TMEM132D: variants seen among roughly 807,000 people sequenced by gnomAD.
TMEM132D encodes the protein transmembrane protein 132D, also known as mature OL transmembrane protein.
In TMEM132D, 21 loss-of-function variants were observed where a neutral mutation model predicts 62.3. The observed-to-expected ratio is 0.34, with a 90% CI of 0.24 to 0.49. The LOEUF (loss-of-function observed/expected upper bound fraction) is 0.49. Ranked by LOEUF, TMEM132D falls within the 20% of genes least tolerant of loss-of-function variation. The pLI, the probability that TMEM132D is intolerant of heterozygous loss-of-function variation, is 0.99. For synonymous variants in TMEM132D, 621 were observed against 575.6 expected, an observed-to-expected ratio of 1.08 and a Z score of -1.13; for missense variants, 1,346 against 1,402.8, an observed-to-expected ratio of 0.96 and a Z score of 0.65.
intron 3 of TMEM132D, among the ~76,000 whole-genome samples, chr12:129,382,503 G>C (rs1328154142): frequency 6.6e-6 from 1 of 152,200 alleles, no homozygotes; most frequent in African/African-American, 2.4e-5. Context: ...GGTGGTTTGT[G>C]AAAGGTGCAG....
rs151278584 is a variant in TMEM132D at position 129,596,408 on chromosome 12, G to A, written c.969-65203C>T. On this transcript the variant is annotated intron_variant, in intron 2 of 8. Transcript: ENST00000422113. Reference sequence around the variant, plus strand: ...TATACATGAATATACATGTATACTCGTATATAATCAGATGTATTCTATGCA... The same window carrying A: ...TATACATGAATATACATGTATACTCATATATAATCAGATGTATTCTATGCA... Among the ~76,000 whole-genome samples, 8 of 152,104 alleles carry A rather than the reference G, an allele frequency of 5.3e-5. No homozygotes were observed. In the East Asian group the frequency reaches 1.2e-3, roughly 22 times the overall value.
In TMEM132D at chr12:129,384,510, C is replaced by T. The variant is rs575073285; in HGVS notation, c.1116-46693G>A. Among the ~76,000 whole-genome samples the T allele has an allele frequency of 5.3e-5, 8 of 151,158 alleles. No individual in the cohort carries two copies. In the East Asian group the frequency reaches 1.5e-3, roughly 29 times the overall value. On this transcript the variant is annotated intron_variant, in intron 3 of 8. Transcript: ENST00000422113. The stretch of plus-strand genomic sequence containing the variant: ...GGAAAACAAATGAAATAACACTGCT[C>T]TGTGCTTTTTTTTTTTGGCTCCGCA...
At position 129,858,973 on chromosome 12, in the gene TMEM132D, C is replaced by G. The variant is rs1350990598; in HGVS notation, c.79+44288G>C. ...TGGGTGCCCTTGGAGTCCGGGGGAA[C>G]GGGATGGGTGCCCTTGGAGTCCGGG... On this transcript the variant is annotated intron_variant, in intron 1 of 8. Coordinates refer to ENST00000422113, the MANE Select transcript of TMEM132D (RefSeq NM_133448.3). Among the ~76,000 whole-genome samples, 2 of 112,484 alleles carry G rather than the reference C, an allele frequency of 1.8e-5. 1 individual carries two copies. The highest frequency in any genetic ancestry group is 2.0e-4 in the Admixed American group (2 of 9,890). The allele number at this position is 112,484 out of a possible 152,430, so 73.8% of individuals were successfully genotyped here.
At chr12:129,116,500 T>TA (rs34980230) in intron 5 of TMEM132D, among the ~76,000 whole-genome samples, 5 of 151,786 alleles carry the variant, frequency 3.3e-5, no homozygotes, top group African/African-American at 7.3e-5. Context: ...CATATCTGAT[T>TA]AAAAAAAACT....
intron 3 of TMEM132D, among the ~76,000 whole-genome samples, chr12:129,491,416 C>A (rs1156859814): frequency 6.6e-6 from 1 of 152,164 alleles, no homozygotes; most frequent in African/African-American, 2.4e-5. Flanking sequence ...GCCACCCTTG[C>A]GGTAGAGGTG....
intron 4 of TMEM132D, among the ~76,000 whole-genome samples, chr12:129,285,305 G>A (rs1222767042): frequency 1.3e-5 from 2 of 151,674 alleles, no homozygotes; most frequent in African/African-American, 4.8e-5. Flanking sequence ...GATTGCTTGG[G>A]GTCAGGAATT....
chr12:129,356,755 C>A (rs1262152507), intron 3 of TMEM132D, among the ~76,000 whole-genome samples: 1 of 151,588 alleles, frequency 6.6e-6, no homozygotes, highest in African/African-American at 2.4e-5. Context: ...GTCCTAGCTA[C>A]TCATGAAGCT....
intron 2 of TMEM132D, among the ~76,000 whole-genome samples, chr12:129,661,429 A>G (rs1452751621): frequency 6.6e-6 from 1 of 152,342 alleles, no homozygotes; most frequent in Non-Finnish European, 1.5e-5. Flanking sequence ...CAAAGGCAGA[A>G]AAGTTATTTG....
intron 1 of TMEM132D, among the ~76,000 whole-genome samples, chr12:129,813,815 G>A (rs1593172142): frequency 6.6e-6 from 1 of 151,866 alleles, no homozygotes; most frequent in Admixed American, 6.6e-5. Context: ...AAAGTAACAG[G>A]AAAGTTATGG....
chr12:129,136,965 C>A (rs552537905), intron 5 of TMEM132D, among the ~76,000 whole-genome samples: 1 of 149,616 alleles, frequency 6.7e-6, no homozygotes, highest in Non-Finnish European at 1.5e-5. Context: ...CCATCATTAT[C>A]ATCATCACCA....
At chr12:129,689,575 T>A (rs1042724367) in intron 2 of TMEM132D, among the ~76,000 whole-genome samples, 13 of 152,182 alleles carry the variant, frequency 8.5e-5, no homozygotes, top group Admixed American at 6.5e-5. Flanking sequence ...CCCTCTTACA[T>A]CTGAACTTCA....
At chr12:129,445,003 T>C (rs142412592) in intron 3 of TMEM132D, among the ~76,000 whole-genome samples, 1 of 152,332 alleles carries the variant, frequency 6.6e-6, no homozygotes, top group African/African-American at 2.4e-5. Context: ...TAAATGTAAA[T>C]TGTTCTATTA....
At position 129,105,233 on chromosome 12, in the gene TMEM132D, G is replaced by A. The variant is rs528745218; in HGVS notation, c.1444-20531C>T. 4.1e-3 allele frequency among the ~76,000 whole-genome samples: 581 copies of A among 142,670 alleles called. 29 individuals carry two copies. Among genetic ancestry groups the A allele is most frequent in the African/African-American group, 0.015 (549 of 36,588 alleles). The allele number at this position is 142,670 out of a possible 152,430, so 93.6% of individuals were successfully genotyped here. A position where few individuals can be genotyped will look rare whatever the true frequency, so the allele number is the denominator to read the frequency against. On this transcript the variant is annotated intron_variant, in intron 5 of 8. Coordinates refer to ENST00000422113, the MANE Select transcript of TMEM132D (RefSeq NM_133448.3). ...CAGCCATAAAAAAGGATGAGTTCAT[G>A]TCCTTTGTAGGGACATGGATGAAAT...
intron 4 of TMEM132D, among the ~76,000 whole-genome samples, chr12:129,287,417 CA>C (rs1881331913): frequency 6.6e-6 from 1 of 152,122 alleles, no homozygotes; most frequent in Non-Finnish European, 1.5e-5. Context: ...CAAGAATCAT[CA>C]ATAGATGCTA....
At chr12:129,418,602 C>T (rs754908080) in intron 3 of TMEM132D, among the ~76,000 whole-genome samples, 19 of 152,172 alleles carry the variant, frequency 1.2e-4, no homozygotes, top group Non-Finnish European at 2.5e-4. Flanking sequence ...GGAGAAATAC[C>T]TAATGCATGT....
At chr12:129,149,180 G>A (rs946458325) in intron 5 of TMEM132D, among the ~76,000 whole-genome samples, 1 of 147,248 alleles carries the variant, frequency 6.8e-6, no homozygotes, top group African/African-American at 2.5e-5. Flanking sequence ...TGAACAATGA[G>A]AACACATGGA....
At chr12:129,725,332 G>A (rs1868992111) in intron 1 of TMEM132D, among the ~76,000 whole-genome samples, 1 of 152,168 alleles carries the variant, frequency 6.6e-6, no homozygotes, top group Non-Finnish European at 1.5e-5. Context: ...TAATAAGCCT[G>A]CTATCTGGAA....
intron 3 of TMEM132D, among the ~76,000 whole-genome samples, chr12:129,447,213 C>T (rs975113422): frequency 2.0e-5 from 3 of 152,132 alleles, no homozygotes; most frequent in East Asian, 3.9e-4. Flanking sequence ...AGCACTTTAT[C>T]CAATTTTTTT....
intron 4 of TMEM132D, among the ~76,000 whole-genome samples, chr12:129,319,668 TAAG>T (rs994690539): frequency 6.6e-6 from 1 of 152,092 alleles, no homozygotes; most frequent in Admixed American, 6.5e-5. Context: ...GATGTGTAGA[TAAG>T]AAGAAACAAA....
Sources: gnomAD v4.1 joint callset for allele counts (sites outside exome capture counted in the v4.1 genomes callset) on GRCh38, gnomAD v4.1.1 for gene constraint, MANE v1.5 for transcripts, NCBI Gene and HGNC (gene_info 2026-07-23, HGNC 2026-07-21) for gene names.